The following ZNF626 variants were observed in gnomAD, a reference collection of about 807,000 sequenced individuals.
ZNF626 encodes zinc finger protein 626.
Under a neutral mutation model 11.7 loss-of-function variants are expected in ZNF626, and 4 were observed. The ratio of observed to expected loss-of-function variants is 0.34; its 90% confidence interval spans 0.17 to 0.78. The LOEUF (loss-of-function observed/expected upper bound fraction) is 0.78, where lower values mean the gene tolerates loss of function less well. ZNF626 is among the 30% of genes least tolerant of loss of function. The pLI is 0.57. For missense variants in ZNF626, 588 were observed against 587.1 expected, an observed-to-expected ratio of 1.00 and a Z score of -0.01; for synonymous variants, 179 against 198.6, an observed-to-expected ratio of 0.90 and a Z score of 0.83.
At chr19:20,657,135 C>T (rs1386724971) in intron 1 of ZNF626, among the ~76,000 whole-genome samples, 6 of 151,968 alleles carry the variant, frequency 3.9e-5, no homozygotes, top group Non-Finnish European at 8.8e-5. Flanking sequence ...TTTGGGAGGC[C>T]GAGGCAGGTG....
rs184478105 is a variant in ZNF626 at position 20,649,649 on chromosome 19, A to T, written c.4-3244T>A. Among the ~76,000 whole-genome samples the T allele has an allele frequency of 3.3e-3, 498 of 152,312 alleles. 3 individuals are homozygous for T. The highest frequency in any genetic ancestry group is 6.8e-3 in the Middle Eastern group (2 of 294). On this transcript the variant is annotated intron_variant, in intron 1 of 3. Transcript: ENST00000601440. ...TCTGCAAATTGGCCATGTGATTCTA[A>T]TGAGAAGCCTGGGTTGATAACCACG...
rs190082401 is a variant in ZNF626, at chr19:20,637,886, T to A, written c.226+7798A>T. Among the ~76,000 whole-genome samples, 418 of 152,280 alleles carry A rather than the reference T, an allele frequency of 2.7e-3. 2 individuals are homozygous for A. The highest frequency in any genetic ancestry group is 9.6e-3 in the African/African-American group (400 of 41,560). On this transcript the variant is annotated intron_variant, in intron 3 of 3. Coordinates refer to ENST00000601440, the MANE Select transcript of ZNF626 (RefSeq NM_001076675.3). ...AACTACTTAATAAAATAAAATGTAATCTTAGGACTTTGGAAGGCCAACGTA... is the reference window on the plus strand; with the variant it reads ...AACTACTTAATAAAATAAAATGTAAACTTAGGACTTTGGAAGGCCAACGTA...
At chr19:20,629,934 T>C (rs1969884091) in intron 3 of ZNF626, among the ~76,000 whole-genome samples, 2 of 152,218 alleles carry the variant, frequency 1.3e-5, no homozygotes, top group African/African-American at 4.8e-5. Context: ...ATAGCTCTTA[T>C]TATTTTGAGA....
intron 3 of ZNF626, among the ~76,000 whole-genome samples, chr19:20,644,191 T>C (rs921073965): frequency 3.9e-5 from 6 of 152,184 alleles, no homozygotes; most frequent in African/African-American, 1.4e-4. Context: ...CCACAGTTCA[T>C]GGTCAGTCCT....
rs1194428858 is a variant in ZNF626, at chr19:20,622,548, A to G, written c.*1742T>C. 35 of 150,404 alleles carry G rather than the reference A, an allele frequency of 2.3e-4. No individual in the cohort carries two copies. In the Admixed American group the frequency reaches 2.4e-3, roughly 10 times the overall value. 9.3% of individuals were successfully genotyped at this position (150,404 alleles called of 1,614,324 possible). Reference sequence around the variant, plus strand: ...ATTGATCACATACTTTCACGTGAATATAATAAAGTAACAGCATAATTTGAA... The same window carrying G: ...ATTGATCACATACTTTCACGTGAATGTAATAAAGTAACAGCATAATTTGAA... On this transcript the variant is annotated 3_prime_UTR_variant, in exon 4 of 4. Transcript: ENST00000601440.
chr19:20,653,032 T>C (rs1394920591), intron 1 of ZNF626, among the ~76,000 whole-genome samples: 1 of 152,140 alleles, frequency 6.6e-6, no homozygotes, highest in Admixed American at 6.5e-5. Flanking sequence ...ATCTAGACTC[T>C]CTAGAAGTGA....
At chr19:20,656,519 A>C (rs1306709856) in intron 1 of ZNF626, among the ~76,000 whole-genome samples, 1 of 152,154 alleles carries the variant, frequency 6.6e-6, no homozygotes, top group Non-Finnish European at 1.5e-5. Context: ...AGAATAAAAG[A>C]AAATATTTGC....
intron 3 of ZNF626, among the ~76,000 whole-genome samples, chr19:20,638,942 A>G (rs1969994789): frequency 6.6e-6 from 1 of 152,208 alleles, no homozygotes. Flanking sequence ...AAATAGAGGA[A>G]TAATTGAGAG....
chr19:20,632,731 G>A (rs1008937002), intron 3 of ZNF626, among the ~76,000 whole-genome samples: 3 of 151,880 alleles, frequency 2.0e-5, no homozygotes, highest in Non-Finnish European at 4.4e-5. Context: ...CCATTAGTTC[G>A]AATTTCCTCC....
chr19:20,626,867 T>C, intron 3 of ZNF626, among the ~76,000 whole-genome samples: 1 of 151,852 alleles, frequency 6.6e-6, no homozygotes, highest in South Asian at 2.1e-4. Context: ...ATACAAAAAA[T>C]TAGCTGGAAT....
chr19:20,623,987 T>A lies in ZNF626; in HGVS notation c.*303A>T. 1.9e-6 allele frequency: 1 copy of A among 539,396 alleles called. No homozygotes were observed. 33.4% of individuals were successfully genotyped at this position (539,396 alleles called of 1,614,324 possible). On this transcript the variant is annotated 3_prime_UTR_variant, in exon 4 of 4. Transcript: ENST00000601440. ...TCTTAGTTAGAAATTGAGGGCTGGT[T>A]AAAAGATTTTCCCCATTCATCACAT...
At chr19:20,654,878 T>G (rs547673130) in intron 1 of ZNF626, among the ~76,000 whole-genome samples, 2 of 152,100 alleles carry the variant, frequency 1.3e-5, no homozygotes, top group African/African-American at 4.8e-5. Flanking sequence ...TGGGAGGCTG[T>G]GGTGGGTGGA....
chr19:20,658,798 T>C (rs1330079553), intron 1 of ZNF626, among the ~76,000 whole-genome samples: 2 of 152,038 alleles, frequency 1.3e-5, no homozygotes, highest in Non-Finnish European at 2.9e-5. Context: ...TCCCACAACA[T>C]TGTCCTCACT....
intron 3 of ZNF626, 105 bp downstream of exon 3, chr19:20,645,579 T>C: frequency 6.4e-7 from 1 of 1,555,774 alleles, no homozygotes; most frequent in Non-Finnish European, 8.6e-7. Context: ...AACTATTTCC[T>C]TTGGAACACA....
intron 1 of ZNF626, among the ~76,000 whole-genome samples, chr19:20,648,842 T>C (rs782141847): frequency 1.3e-5 from 2 of 152,224 alleles, no homozygotes; most frequent in African/African-American, 2.4e-5. Context: ...ATTTTTAATA[T>C]TGCAGATCAT....
In ZNF626 at chr19:20,622,665, TTTAAAG is replaced by T. The variant is rs1485290503; in HGVS notation, c.*1619_*1624del. 2.0e-5 allele frequency: 3 copies of T among 152,184 alleles called. No individual in the cohort carries two copies. The highest frequency in any genetic ancestry group is 4.8e-5 in the African/African-American group (2 of 41,464). The allele number at this position is 152,184 out of a possible 1,614,324, so 9.4% of individuals were successfully genotyped here. On this transcript the variant is annotated 3_prime_UTR_variant, in exon 4 of 4. Coordinates refer to ENST00000601440, the MANE Select transcript of ZNF626 (RefSeq NM_001076675.3). ...AATACAAAGCTTCAAAAAATCTCCTTTTAAAGTTATATACTAATTTATACAAACTTA... is the reference window on the plus strand; with the variant it reads ...AATACAAAGCTTCAAAAAATCTCCTTTTATATACTAATTTATACAAACTTA...
At chr19:20,658,912 G>A (rs1220559076) in intron 1 of ZNF626, among the ~76,000 whole-genome samples, 3 of 152,134 alleles carry the variant, frequency 2.0e-5, no homozygotes, top group African/African-American at 7.2e-5. Context: ...ATTTGGTACA[G>A]CTACTTACAG....
chr19:20,632,434 G>A (rs1369062226), intron 3 of ZNF626, among the ~76,000 whole-genome samples: 1 of 152,172 alleles, frequency 6.6e-6, no homozygotes, highest in Non-Finnish European at 1.5e-5. Context: ...CCAATCAGAT[G>A]TAGATTTGGT....
intron 3 of ZNF626, among the ~76,000 whole-genome samples, chr19:20,634,522 T>C (rs2144773412): frequency 6.6e-6 from 1 of 152,298 alleles, no homozygotes; most frequent in Non-Finnish European, 1.5e-5. Flanking sequence ...TTTAAAAATA[T>C]TTAGAAATGA....
Sources: gnomAD v4.1 joint callset for allele counts (sites outside exome capture counted in the v4.1 genomes callset) on GRCh38, gnomAD v4.1.1 for gene constraint, MANE v1.5 for transcripts, NCBI Gene and HGNC (gene_info 2026-07-23, HGNC 2026-07-21) for gene names.